Variants in CCNJL observed in about 807,000 individuals in gnomAD.
The protein encoded by CCNJL is cyclin-J-like protein.
A neutral mutation model predicts 33.4 loss-of-function variants in CCNJL; 33 were observed. That is an observed-to-expected ratio of 0.99 (90% CI 0.75 to 1.32). The LOEUF (loss-of-function observed/expected upper bound fraction) is 1.32. Ranked by LOEUF, CCNJL falls within the 40% of genes most tolerant of loss-of-function variation. CCNJL has a pLI of 0.00. For missense variants in CCNJL, 512 were observed against 499.7 expected (o/e 1.02, Z -0.23); for synonymous variants, 227 against 220.9 (o/e 1.03, Z -0.24).
Position 160,249,871 on chromosome 5 carries a change from A to G in CCNJL, c.*3507T>C, listed in dbSNP as rs1760761777. 1 of 152,054 alleles carries G rather than the reference A, an allele frequency of 6.6e-6. No homozygotes were observed. Among genetic ancestry groups the G allele is most frequent in the Admixed American group, 6.6e-5 (1 of 15,260 alleles). The allele number at this position is 152,054 out of a possible 1,614,324, so 9.4% of individuals were successfully genotyped here. ...TAAAAATACAACTGAAATATAAAAA[A>G]CAAACAAAGAAATCATATGCCTGAA... is the stretch of plus-strand genomic sequence containing the variant. On this transcript the variant is annotated 3_prime_UTR_variant, in exon 6 of 6. Coordinates refer to ENST00000257536, the MANE Select transcript of CCNJL (RefSeq NM_001308173.3).
chr5:160,292,173 C>T (rs569108751), intron 2 of CCNJL, among the ~76,000 whole-genome samples: 2 of 152,320 alleles, frequency 1.3e-5, no homozygotes, highest in East Asian at 1.9e-4. Flanking sequence ...AGGACACAGC[C>T]TTCTCTTTCC....
At chr5:160,280,983 C>A (rs1762191302) in intron 2 of CCNJL, 4 of 607,684 alleles carry the variant, frequency 6.6e-6, no homozygotes, top group Non-Finnish European at 1.2e-5. Context: ...TCATTCCTTC[C>A]CATGGGAAAG....
At chr5:160,309,276 T>C (rs1319177543) in intron 2 of CCNJL, among the ~76,000 whole-genome samples, 1 of 152,206 alleles carries the variant, frequency 6.6e-6, no homozygotes, top group Non-Finnish European at 1.5e-5. Flanking sequence ...CAAGACTTGT[T>C]TCCATGGTGT....
upstream of CCNJL, among the ~76,000 whole-genome samples, chr5:160,313,121 A>G (rs1165314679): frequency 1.3e-5 from 2 of 152,160 alleles, no homozygotes; most frequent in East Asian, 1.9e-4. Context: ...CTCCTGCAGA[A>G]TATGAACTAT....
intron 3 of CCNJL, among the ~76,000 whole-genome samples, chr5:160,267,168 G>C (rs1285080954): frequency 6.6e-6 from 1 of 152,184 alleles, no homozygotes; most frequent in Non-Finnish European, 1.5e-5. Context: ...ACGCACAGCA[G>C]GCATCAAATG....
chr5:160,313,545 GAAA>G (rs920082091), upstream of CCNJL, among the ~76,000 whole-genome samples: 1 of 151,162 alleles, frequency 6.6e-6, no homozygotes, highest in Admixed American at 6.6e-5. Flanking sequence ...ACACACCTGG[GAAA>G]AAAAAATTAA....
chr5:160,314,666 T>C (rs779979243), upstream of CCNJL, among the ~76,000 whole-genome samples: 1 of 152,250 alleles, frequency 6.6e-6, no homozygotes, highest in Non-Finnish European at 1.5e-5. Flanking sequence ...AGAAAATATT[T>C]TTAACAAATG....
intron 2 of CCNJL, among the ~76,000 whole-genome samples, chr5:160,303,660 T>C (rs915178455): frequency 1.4e-4 from 22 of 152,274 alleles, no homozygotes; most frequent in Non-Finnish European, 1.8e-4. Context: ...TGTTTGCTTG[T>C]ATTCATTTTT....
intron 1 of CCNJL, among the ~76,000 whole-genome samples, chr5:160,333,802 C>G (rs1352853188): frequency 6.6e-6 from 1 of 152,092 alleles, no homozygotes; most frequent in African/African-American, 2.4e-5. Flanking sequence ...CATCATCAGA[C>G]TAGTCCATCT....
At chr5:160,324,756 A>T (rs1763514553) in intron 1 of CCNJL, among the ~76,000 whole-genome samples, 1 of 152,176 alleles carries the variant, frequency 6.6e-6, no homozygotes, top group Admixed American at 6.6e-5. Context: ...TCTGAATGTG[A>T]CTATCTGTCA....
intron 2 of CCNJL, chr5:160,281,485 GC>G (rs1762212804): frequency 6.6e-6 from 1 of 152,620 alleles, no homozygotes; most frequent in South Asian, 2.1e-4. Flanking sequence ...CTTCTACTTT[GC>G]AATATATATA....
intron 3 of CCNJL, among the ~76,000 whole-genome samples, chr5:160,261,731 C>T (rs1039003371): frequency 9.2e-5 from 14 of 152,160 alleles, no homozygotes; most frequent in Admixed American, 3.9e-4. Flanking sequence ...TCGGTGTCCT[C>T]CAGAGCTCAG....
chr5:160,298,074 C>T (rs138334510), intron 2 of CCNJL, among the ~76,000 whole-genome samples: 4 of 152,262 alleles, frequency 2.6e-5, no homozygotes, highest in African/African-American at 9.6e-5. Flanking sequence ...ACAGCAGATC[C>T]GCAAAATATT....
chr5:160,289,230 C>T (rs984102801), intron 2 of CCNJL, among the ~76,000 whole-genome samples: 4 of 152,166 alleles, frequency 2.6e-5, no homozygotes, highest in African/African-American at 4.8e-5. Context: ...CTGTCCCCTG[C>T]CCCCCACAGA....
At position 160,326,650 on chromosome 5, in the gene CCNJL, G is replaced by A. The variant is rs1581022152; in HGVS notation, n.207-11145C>T. On this transcript the variant is annotated intron_variant and non_coding_transcript_variant, in intron 1 of 7. Coordinates refer to the CCNJL transcript ENST00000377503. ...ATAAAGTAGGTTCTTAGAGTTAAAA[G>A]CTTGAAATCAGCGGGTGGGTGTGCT... is the stretch of plus-strand genomic sequence containing the variant. The A allele has an allele frequency of 2.7e-5, 20 of 728,996 alleles. No individual in the cohort carries two copies. The East Asian group carries it at 6.0e-4, about 22-fold the overall frequency. The allele number at this position is 728,996 out of a possible 1,614,324, so 45.2% of individuals were successfully genotyped here. A position where few individuals can be genotyped will look rare whatever the true frequency, so the allele number is the denominator to read the frequency against.
At chr5:160,295,986 A>G (rs1762740412) in intron 2 of CCNJL, among the ~76,000 whole-genome samples, 1 of 152,188 alleles carries the variant, frequency 6.6e-6, no homozygotes, top group African/African-American at 2.4e-5. Flanking sequence ...CTTGAGCCTG[A>G]TGCTCAACTA....
chr5:160,255,477 G>T, intron 5 of CCNJL, 72 bp downstream of exon 5: 1 of 1,429,422 alleles, frequency 7.0e-7, no homozygotes, highest in Non-Finnish European at 9.8e-7. Context: ...AACTGCCCGT[G>T]GCCTGAGGCA....
intron 1 of CCNJL, among the ~76,000 whole-genome samples, chr5:160,333,544 T>TCACA (rs1763636953): frequency 6.7e-6 from 1 of 149,730 alleles, no homozygotes; most frequent in Admixed American, 6.7e-5. Flanking sequence ...TCACCCATGA[T>TCACA]CACACCACTG....
Position 160,259,589 on chromosome 5 carries a change from G to A in CCNJL, c.463C>T (p.Leu155Phe). Reference protein sequence around the residue: ...PTPAHFLDYYLLASVSQKDHH... With the variant: ...PTPAHFLDYYFLASVSQKDHH... ...TCCTTCTGGCTGACGGAGGCCAAGA[G>A]GTAGTAGTCCAGGAAGTGGGCAGGC... Residue 155 changes from leucine (L) to phenylalanine (F), a missense_variant, in exon 4 of 6, where the codon CTC (leucine) becomes TTC (phenylalanine). By Grantham distance (22) the Leu-to-Phe change is conservative. Transcript: ENST00000257536. 5.6e-6 allele frequency: 9 copies of A among 1,614,214 alleles called. No homozygotes were observed. The highest frequency in any genetic ancestry group is 2.2e-5 in the East Asian group (1 of 44,884).
Sources: gnomAD v4.1 joint callset for allele counts (sites outside exome capture counted in the v4.1 genomes callset) on GRCh38, gnomAD v4.1.1 for gene constraint, MANE v1.5 for transcripts, NCBI Gene and HGNC (gene_info 2026-07-23, HGNC 2026-07-21) for gene names.